The following RAB7A variants were observed in gnomAD, a reference collection of about 807,000 sequenced individuals.
The protein encoded by RAB7A is RAB7A, member RAS oncogene family.
A neutral mutation model predicts 24.5 loss-of-function variants in RAB7A; 2 were observed. The observed-to-expected ratio is 0.08, with a 90% CI of 0.03 to 0.26. The LOEUF (loss-of-function observed/expected upper bound fraction) is 0.26. Ranked by LOEUF, RAB7A falls within the 10% of genes least tolerant of loss-of-function variation. The pLI is 1.00. For synonymous variants in RAB7A, 100 were observed against 95.9 expected (o/e 1.04, Z -0.25); for missense variants, 118 against 255.7 (o/e 0.46, Z 3.67).
At chr3:128,746,541 T>G (rs911666928) in intron 1 of RAB7A, among the ~76,000 whole-genome samples, 1 of 151,970 alleles carries the variant, frequency 6.6e-6, no homozygotes, top group Non-Finnish European at 1.5e-5. Context: ...TTTTATTTTG[T>G]TTTTGGAGAT....
intron 1 of RAB7A, among the ~76,000 whole-genome samples, chr3:128,754,409 CTG>C (rs1282478304): frequency 1.3e-5 from 2 of 152,054 alleles, no homozygotes; most frequent in Non-Finnish European, 1.5e-5. Flanking sequence ...AAGAAAATAA[CTG>C]TAGGATATAC....
chr3:128,747,558 C>T (rs971393296), intron 1 of RAB7A, among the ~76,000 whole-genome samples: 5 of 151,206 alleles, frequency 3.3e-5, no homozygotes, highest in African/African-American at 9.8e-5. Context: ...TGCACTCCAG[C>T]CTGGGCAAGA....
At chr3:128,731,381 G>A (rs73196977) in intron 1 of RAB7A, among the ~76,000 whole-genome samples, 6,310 of 152,232 alleles carry the variant, frequency 0.041, 176 homozygotes, top group Non-Finnish European at 0.058. Context: ...AGATAACTGC[G>A]GGTCATTTAA....
chr3:128,760,620 A>T (rs1186494730), intron 1 of RAB7A, among the ~76,000 whole-genome samples: 1 of 152,200 alleles, frequency 6.6e-6, no homozygotes. Flanking sequence ...CCGTCTGTTG[A>T]TTGTCAAGCC....
chr3:128,729,569 CAA>C (rs71153142), intron 1 of RAB7A, among the ~76,000 whole-genome samples: 19,240 of 96,930 alleles, frequency 0.2, 1,240 homozygotes, highest in Admixed American at 0.25. Flanking sequence ...GACTTCTTCT[CAA>C]AAAAAAAAAA....
At chr3:128,755,361 T>G (rs960133511) in intron 1 of RAB7A, among the ~76,000 whole-genome samples, 1 of 151,784 alleles carries the variant, frequency 6.6e-6, no homozygotes. Flanking sequence ...AAAAGCAGTG[T>G]TAAAGGAGGA....
At chr3:128,736,157 C>G (rs1293315322) in intron 1 of RAB7A, among the ~76,000 whole-genome samples, 1 of 144,216 alleles carries the variant, frequency 6.9e-6, no homozygotes, top group Non-Finnish European at 1.5e-5. Flanking sequence ...TGATTTGTCT[C>G]TTTTTTTTTT....
At chr3:128,785,671 C>T (rs914693739) in intron 1 of RAB7A, among the ~76,000 whole-genome samples, 5 of 151,294 alleles carry the variant, frequency 3.3e-5, no homozygotes, top group Admixed American at 2.0e-4. Flanking sequence ...GTTGCCTGAA[C>T]CCTGGAGGGG....
chr3:128,756,924 A>G (rs1490844029), intron 1 of RAB7A, among the ~76,000 whole-genome samples: 3 of 151,816 alleles, frequency 2.0e-5, no homozygotes, highest in Admixed American at 6.6e-5. Context: ...GCTCACTGCA[A>G]ACTCCACCTC....
In RAB7A at chr3:128,776,706, ATATCCTTTGGC is replaced by A. The variant is rs1393000388; in HGVS notation, c.-8-18650_-8-18640del. ...CAGATCTCTTCCACGTACTGATTCC[ATATCCTTTGGC>A]TATATCATTGGATCAAATGGGAGTT... On this transcript the variant is annotated intron_variant, in intron 1 of 5. Transcript: ENST00000265062. 3.9e-5 allele frequency among the ~76,000 whole-genome samples: 6 copies of A among 151,938 alleles called. No individual in the cohort carries two copies. The East Asian group carries it at 1.2e-3, about 29-fold the overall frequency.
intron 1 of RAB7A, among the ~76,000 whole-genome samples, chr3:128,756,998 C>T (rs2070734994): frequency 6.6e-6 from 1 of 152,198 alleles, no homozygotes; most frequent in South Asian, 2.1e-4. Flanking sequence ...CGCGCACCAC[C>T]ACGCCCGGCT....
chr3:128,809,168 T>C (rs1032094279), intron 5 of RAB7A, among the ~76,000 whole-genome samples: 6 of 152,248 alleles, frequency 3.9e-5, no homozygotes, highest in African/African-American at 1.2e-4. Flanking sequence ...ATCACTACTG[T>C]CCCTGTTGTC....
chr3:128,795,515 C>T, intron 2 of RAB7A, 95 bp downstream of exon 2: 1 of 1,157,740 alleles, frequency 8.6e-7, no homozygotes, highest in Non-Finnish European at 1.3e-6. Context: ...TTCTTGCTTT[C>T]ATAGTGAGGC....
chr3:128,785,499 C>A (rs1363033001), intron 1 of RAB7A: 1 of 152,050 alleles, frequency 6.6e-6, no homozygotes, highest in Non-Finnish European at 1.5e-5. Context: ...TGGCTTATGC[C>A]TGCAATCCCA....
At chr3:128,806,735 C>G (rs1933811688) in intron 4 of RAB7A, 145 bp downstream of exon 4, 1 of 877,350 alleles carries the variant, frequency 1.1e-6, no homozygotes, top group African/African-American at 1.7e-5. Flanking sequence ...TTCAGGCCAA[C>G]TGCCTTTAAG....
At position 128,780,093 on chromosome 3, in the gene RAB7A, G is replaced by C. The variant is rs1186656163; in HGVS notation, c.-8-15267G>C. ...GGTCTTCAAACTGGTTGCTGGAATT[G>C]GGGTCTGATATACATCTTAAGCAAT... On this transcript the variant is annotated intron_variant, in intron 1 of 5. Transcript: ENST00000265062. Among the ~76,000 whole-genome samples, 3 of 152,310 alleles carry C rather than the reference G, an allele frequency of 2.0e-5. No individual in the cohort carries two copies. The East Asian group carries it at 5.8e-4, about 29-fold the overall frequency.
At chr3:128,761,411 T>C (rs143834524) in intron 1 of RAB7A, among the ~76,000 whole-genome samples, 62 of 152,350 alleles carry the variant, frequency 4.1e-4, no homozygotes, top group African/African-American at 1.4e-3. Flanking sequence ...ACTATTCTTA[T>C]GACATCATAC....
At chr3:128,781,012 C>T (rs1296337918) in intron 1 of RAB7A, among the ~76,000 whole-genome samples, 1 of 152,200 alleles carries the variant, frequency 6.6e-6, no homozygotes. Flanking sequence ...AAATGTGACT[C>T]TCTACTGCCC....
At chr3:128,785,757 A>C (rs1933324386) in intron 1 of RAB7A, among the ~76,000 whole-genome samples, 1 of 152,006 alleles carries the variant, frequency 6.6e-6, no homozygotes, top group Non-Finnish European at 1.5e-5. Flanking sequence ...AAAAAAAAAA[A>C]AAAAAAAAAT....
Sources: gnomAD v4.1 joint callset for allele counts (sites outside exome capture counted in the v4.1 genomes callset) on GRCh38, gnomAD v4.1.1 for gene constraint, MANE v1.5 for transcripts, NCBI Gene and HGNC (gene_info 2026-07-23, HGNC 2026-07-21) for gene names.